LYN: variants seen among roughly 807,000 people sequenced by gnomAD.
LYN encodes LYN proto-oncogene, Src family tyrosine kinase, also known as tyrosine-protein kinase Lyn.
A neutral mutation model predicts 65.0 loss-of-function variants in LYN; 12 were observed. The observed-to-expected ratio is 0.18, with a 90% CI of 0.12 to 0.30. LYN has a LOEUF of 0.30. LYN is among the 10% of genes least tolerant of loss of function. The pLI is 1.00. For synonymous variants in LYN, 222 were observed against 221.2 expected, an observed-to-expected ratio of 1.00 and a Z score of -0.03; for missense variants, 380 against 623.2, an observed-to-expected ratio of 0.61 and a Z score of 4.16.
At chr8:55,943,249 A>G (rs1806678118) in intron 2 of LYN, among the ~76,000 whole-genome samples, 1 of 152,132 alleles carries the variant, frequency 6.6e-6, no homozygotes, top group African/African-American at 2.4e-5. Flanking sequence ...CTTTCTATGG[A>G]ATTCTGCAGC....
chr8:55,927,879 G>A (rs1806154351), intron 1 of LYN, among the ~76,000 whole-genome samples: 1 of 152,092 alleles, frequency 6.6e-6, no homozygotes, highest in Non-Finnish European at 1.5e-5. Flanking sequence ...AAACATCTAT[G>A]TGCAGGTTTT....
intron 1 of LYN, among the ~76,000 whole-genome samples, chr8:55,897,039 C>T (rs186138107): frequency 2.6e-5 from 4 of 152,312 alleles, no homozygotes; most frequent in Admixed American, 2.0e-4. Flanking sequence ...TGCACCCGGC[C>T]TAAACTTCAT....
chr8:55,982,539 C>T (rs908177035), intron 10 of LYN, among the ~76,000 whole-genome samples: 7 of 152,134 alleles, frequency 4.6e-5, no homozygotes. Flanking sequence ...CTCCCCCACC[C>T]AGGACCCCCA....
chr8:55,941,776 T>C, intron 1 of LYN, 79 bp from the exon 2 acceptor site: 1 of 1,038,804 alleles, frequency 9.6e-7, no homozygotes, highest in Non-Finnish European at 1.4e-6. Context: ...TTTTCTACTC[T>C]TTTTTATTGG....
chr8:55,892,332 A>C (rs1296362983), intron 1 of LYN, among the ~76,000 whole-genome samples: 1 of 152,192 alleles, frequency 6.6e-6, no homozygotes, highest in Non-Finnish European at 1.5e-5. Flanking sequence ...AGGCAGGAGA[A>C]TCACTTGAAC....
intron 1 of LYN, among the ~76,000 whole-genome samples, chr8:55,905,200 C>T (rs565034453): frequency 5.5e-4 from 84 of 152,272 alleles, no homozygotes; most frequent in African/African-American, 2.0e-3. Flanking sequence ...CACCTGAGGT[C>T]AGGAGTTCAA....
At chr8:55,905,414 AAAAAGAAAGAAAGAAAGAAAG>A (rs1805392722) in intron 1 of LYN, among the ~76,000 whole-genome samples, 2 of 151,250 alleles carry the variant, frequency 1.3e-5, no homozygotes, top group African/African-American at 4.9e-5. Flanking sequence ...CGTCTCAAAA[AAAAAGAAAGAAAGAAAGAAAG>A]AAAGAAAGAC....
chr8:55,965,842 C>G (rs978858264), intron 8 of LYN, among the ~76,000 whole-genome samples: 1 of 152,044 alleles, frequency 6.6e-6, no homozygotes, highest in Admixed American at 6.6e-5. Context: ...TATTAGTCCT[C>G]GGCTGGGCAC....
At chr8:56,007,618 T>C (rs1808706352) in intron 12 of LYN, among the ~76,000 whole-genome samples, 1 of 152,220 alleles carries the variant, frequency 6.6e-6, no homozygotes, top group Admixed American at 6.5e-5. Context: ...GCGGTTTAAA[T>C]TCAGGAAAGG....
At chr8:55,948,271 G>A (rs1276945143) in intron 4 of LYN, among the ~76,000 whole-genome samples, 1 of 152,188 alleles carries the variant, frequency 6.6e-6, no homozygotes, top group East Asian at 1.9e-4. Flanking sequence ...ACCACACCCA[G>A]CCTGGTTTCT....
chr8:55,949,379 GC>G lies in LYN; in HGVS notation c.285-1079del, dbSNP rs568397300. ...CAGTGATGCGTGCTTTAGTTGTAAG[GC>G]TGTTTTCCTTTGCTTCTGTCTCTAA... On this transcript the variant is annotated intron_variant, in intron 4 of 12. Transcript: ENST00000519728. Among the ~76,000 whole-genome samples, 22 of 152,268 alleles carry G rather than the reference GC, an allele frequency of 1.4e-4. No homozygotes were observed. In the South Asian group the frequency reaches 4.4e-3, roughly 30 times the overall value.
chr8:55,958,672 TTGAC>T (rs759167118), intron 8 of LYN, among the ~76,000 whole-genome samples: 1 of 152,228 alleles, frequency 6.6e-6, no homozygotes, highest in Non-Finnish European at 1.5e-5. Flanking sequence ...CTCTATGAAT[TTGAC>T]TACCTTAGGT....
chr8:55,911,719 A>G (rs1462898682), intron 1 of LYN, among the ~76,000 whole-genome samples: 1 of 152,122 alleles, frequency 6.6e-6, no homozygotes, highest in Non-Finnish European at 1.5e-5. Flanking sequence ...AGGGAGTCAA[A>G]GCGACATGAG....
intron 1 of LYN, among the ~76,000 whole-genome samples, chr8:55,914,881 A>AAAAGG (rs1805741419): frequency 6.6e-6 from 1 of 152,154 alleles, no homozygotes; most frequent in Admixed American, 6.5e-5. Flanking sequence ...AATGCTAATG[A>AAAAGG]TGTGTTTCAG....
chr8:55,885,889 C>T (rs942840946), intron 1 of LYN, among the ~76,000 whole-genome samples: 1 of 147,068 alleles, frequency 6.8e-6, no homozygotes, highest in Non-Finnish European at 1.5e-5. Flanking sequence ...CCCAATGCTG[C>T]GTTTTCCTCG....
In LYN at chr8:56,012,194, C is replaced by T. The variant is rs1463504249; in HGVS notation, c.*2084C>T. On this transcript the variant is annotated 3_prime_UTR_variant, in exon 13 of 13. Transcript: ENST00000519728. The stretch of plus-strand genomic sequence containing the variant: ...TCACACGTTCCCTTGATGAACAGCA[C>T]ACACAGTCTCCTTACTTAGCTATAG... The T allele has an allele frequency of 5.4e-6, 1 of 183,564 alleles. No individual in the cohort carries two copies. The allele number at this position is 183,564 out of a possible 1,614,324, so 11.4% of individuals were successfully genotyped here. A position where few individuals can be genotyped will look rare whatever the true frequency, so the allele number is the denominator to read the frequency against.
intron 10 of LYN, among the ~76,000 whole-genome samples, chr8:55,986,185 T>TCCCCC (rs66520008): frequency 5.6e-5 from 8 of 141,930 alleles, no homozygotes; most frequent in Non-Finnish European, 9.3e-5. Flanking sequence ...TCCACCAGAA[T>TCCCCC]CCCCCCCGCA....
intron 1 of LYN, among the ~76,000 whole-genome samples, chr8:55,930,252 T>C (rs1269899610): frequency 6.6e-6 from 1 of 152,246 alleles, no homozygotes; most frequent in Non-Finnish European, 1.5e-5. Flanking sequence ...GCTTATGGTG[T>C]GATACAACAT....
intron 1 of LYN, among the ~76,000 whole-genome samples, chr8:55,890,117 C>CAAAAAAAAAAAAAAAA (rs34706733): frequency 2.9e-4 from 23 of 79,064 alleles, no homozygotes; most frequent in Middle Eastern, 8.2e-3. Flanking sequence ...CCTCTATAGA[C>CAAAAAAAAAAAAAAAA]AAAAAAAAAA....
Sources: gnomAD v4.1 joint callset for allele counts (sites outside exome capture counted in the v4.1 genomes callset) on GRCh38, gnomAD v4.1.1 for gene constraint, MANE v1.5 for transcripts, NCBI Gene and HGNC (gene_info 2026-07-23, HGNC 2026-07-21) for gene names.